Variants in ATP6V0C observed in about 807,000 individuals in gnomAD.
ATP6V0C encodes the protein V-type proton ATPase 16 kDa proteolipid subunit c.
In ATP6V0C, 2 loss-of-function variants were observed where a neutral mutation model predicts 10.6. That is an observed-to-expected ratio of 0.19 (90% CI 0.08 to 0.59). The LOEUF (loss-of-function observed/expected upper bound fraction) is 0.59, where lower values mean the gene tolerates loss of function less well. ATP6V0C is among the 20% of genes least tolerant of loss of function. ATP6V0C has a pLI of 0.90. For synonymous variants in ATP6V0C, 128 were observed against 101.3 expected, an observed-to-expected ratio of 1.26 and a Z score of -1.59; for missense variants, 89 against 225.9, an observed-to-expected ratio of 0.39 and a Z score of 3.88.
rs1233198065 is a variant in ATP6V0C, at chr16:2,514,007, C to G, written c.-97C>G. 1 of 1,179,504 alleles carries G rather than the reference C, an allele frequency of 8.5e-7. No individual in the cohort carries two copies. The highest frequency in any genetic ancestry group is 1.5e-5 in the South Asian group (1 of 68,414). 73.1% of individuals were successfully genotyped at this position (1,179,504 alleles called of 1,614,324 possible). ...GGCTGACGGGCCGGATCGCCTTCGC[C>G]GCCGCCCGCCCGCAAACCTTCGTGC... On this transcript the variant is annotated 5_prime_UTR_variant, in exon 1 of 3. Coordinates refer to ENST00000330398, the MANE Select transcript of ATP6V0C (RefSeq NM_001694.4).
intron 1 of ATP6V0C, among the ~76,000 whole-genome samples, chr16:2,518,581 G>T (rs1245062464): frequency 2.0e-5 from 3 of 152,230 alleles, no homozygotes; most frequent in African/African-American, 7.2e-5. Context: ...TCTGTCAAGG[G>T]TTCAGGCCTG....
At position 2,519,879 on chromosome 16, in the gene ATP6V0C, T is replaced by C. The variant is rs2065900795; in HGVS notation, c.*134T>C. On this transcript the variant is annotated 3_prime_UTR_variant, in exon 3 of 3. Transcript: ENST00000330398. ...GTCTTGTACATGCGCAGTGTCCTAGTGCCCATCGTCTGTTTCCCCGGCCTT... is the reference window on the plus strand; with the variant it reads ...GTCTTGTACATGCGCAGTGTCCTAGCGCCCATCGTCTGTTTCCCCGGCCTT... The C allele has an allele frequency of 9.0e-6, 11 of 1,221,484 alleles. No homozygotes were observed. The South Asian group carries it at 1.1e-4, about 13-fold the overall frequency. 75.7% of individuals were successfully genotyped at this position (1,221,484 alleles called of 1,614,324 possible). A position where few individuals can be genotyped will look rare whatever the true frequency, so the allele number is the denominator to read the frequency against.
intron 1 of ATP6V0C, 63 bp downstream of exon 1, chr16:2,514,245 C>A: frequency 1.4e-6 from 2 of 1,466,322 alleles, no homozygotes; most frequent in South Asian, 2.6e-5. Context: ...GCCCGCAGCT[C>A]GCCGGGGTCC....
Position 2,519,914 on chromosome 16 carries a change from C to T in ATP6V0C, c.*169C>T, listed in dbSNP as rs771572287. On this transcript the variant is annotated 3_prime_UTR_variant, in exon 3 of 3. Coordinates refer to ENST00000330398, the MANE Select transcript of ATP6V0C (RefSeq NM_001694.4). The stretch of plus-strand genomic sequence containing the variant: ...CTGTTTCCCCGGCCTTGCCCCCGCC[C>T]GCCCCGTGCCGTGGACATCTGGGCC... 2 of 983,454 alleles carry T rather than the reference C, an allele frequency of 2.0e-6. No individual in the cohort carries two copies. Among genetic ancestry groups the T allele is most frequent in the South Asian group, 1.4e-5 (1 of 71,886 alleles). The allele number at this position is 983,454 out of a possible 1,614,324, so 60.9% of individuals were successfully genotyped here.
rs776063145 is a variant in ATP6V0C, at chr16:2,519,640, C to T, written c.363C>T (p.Thr121=). The change falls in exon 3 of 3, where the codon ACC becomes ACT. Residue 121 remains threonine, a synonymous_variant. Transcript: ENST00000330398. ...TGGGGGACGCTGGCGTGCGGGGCAC[C>T]GCCCAGCAGCCCCGACTATTCGTGG... is the stretch of plus-strand genomic sequence containing the variant. ...GIVGDAGVRG[T]AQQPRLFVGM... The T allele has an allele frequency of 3.2e-5, 52 of 1,607,952 alleles. No individual in the cohort carries two copies. In the East Asian group the frequency reaches 4.3e-4, roughly 13 times the overall value.
At chr16:2,513,833 C>T (rs2065862287), upstream of ATP6V0C, 2 of 310,510 alleles carry the variant, frequency 6.4e-6, no homozygotes, top group East Asian at 6.6e-5. Flanking sequence ...GCGGCACAGC[C>T]CGGGGGAGGT....
At chr16:2,514,283 C>A (rs2065865676) in intron 1 of ATP6V0C, 101 bp downstream of exon 1, 7 of 1,297,846 alleles carry the variant, frequency 5.4e-6, no homozygotes, top group Non-Finnish European at 7.1e-6. Context: ...TGACGTAATC[C>A]CGAGCTGTCG....
rs777715709 is a variant in ATP6V0C, at chr16:2,519,721, C to T, written c.444C>T (p.Val148=). 5.0e-6 allele frequency: 8 copies of T among 1,607,398 alleles called. No individual in the cohort carries two copies. The Admixed American group carries it at 5.0e-5, about 10-fold the overall frequency. ...TGCTCGGCCTCTACGGTCTCATCGT[C>T]GCCCTCATCCTCTCCACAAAGTAGA... is the stretch of plus-strand genomic sequence containing the variant. ...AEVLGLYGLI[V]ALILSTK Residue 148 remains valine, a synonymous_variant, in exon 3 of 3, where the codon GTC becomes GTT. Transcript: ENST00000330398.
intron 1 of ATP6V0C, chr16:2,518,860 C>G (rs974539189): frequency 3.9e-6 from 1 of 256,076 alleles, no homozygotes; most frequent in African/African-American, 2.2e-5. Context: ...ACCCTGACCC[C>G]ACATGGGGGC....
chr16:2,518,646 C>G (rs2065889818), intron 1 of ATP6V0C, among the ~76,000 whole-genome samples: 1 of 152,070 alleles, frequency 6.6e-6, no homozygotes, highest in South Asian at 2.1e-4. Flanking sequence ...TTTGGCCCTC[C>G]TAGGTTAATA....
At position 2,518,848 on chromosome 16, in the gene ATP6V0C, T is replaced by C. The variant is rs561510502; in HGVS notation, c.80-370T>C. 5.3e-5 allele frequency among the ~76,000 whole-genome samples: 8 copies of C among 152,326 alleles called. No homozygotes were observed. In the South Asian group the frequency reaches 1.2e-3, roughly 24 times the overall value. On this transcript the variant is annotated intron_variant, in intron 1 of 2. Coordinates refer to ENST00000330398, the MANE Select transcript of ATP6V0C (RefSeq NM_001694.4). Reference sequence around the variant, plus strand: ...CTGGGCAGTAGCCCCAAGGGTCGACTGACCCTGACCCCACATGGGGGCTGC... The same window carrying C: ...CTGGGCAGTAGCCCCAAGGGTCGACCGACCCTGACCCCACATGGGGGCTGC...
At chr16:2,514,605 G>A (rs1419062966) in intron 1 of ATP6V0C, among the ~76,000 whole-genome samples, 1 of 152,182 alleles carries the variant, frequency 6.6e-6, no homozygotes. Flanking sequence ...GGCGGCGCGG[G>A]TCCGGCCCAG....
At position 2,520,149 on chromosome 16, in the gene ATP6V0C, A is replaced by G. The variant is rs2141894154; in HGVS notation, c.*404A>G. 1.9e-6 allele frequency: 1 copy of G among 539,236 alleles called. No homozygotes were observed. Among genetic ancestry groups the G allele is most frequent in the East Asian group, 3.7e-5 (1 of 27,024 alleles). 33.4% of individuals were successfully genotyped at this position (539,236 alleles called of 1,614,324 possible). ...GGTTCCTGTTGCTGAGACTTCCTGG[A>G]TGGAGCCGCCCTCACCGCCGGGCCC... On this transcript the variant is annotated 3_prime_UTR_variant, in exon 3 of 3. Coordinates refer to ENST00000330398, the MANE Select transcript of ATP6V0C (RefSeq NM_001694.4).
chr16:2,513,744 A>G (rs1315638595), upstream of ATP6V0C: 1 of 164,402 alleles, frequency 6.1e-6, no homozygotes, highest in South Asian at 2.0e-4. Context: ...GCGGAGATCC[A>G]GAGGCCGGCG....
intron 1 of ATP6V0C, among the ~76,000 whole-genome samples, chr16:2,518,580 G>A (rs2065889286): frequency 6.6e-6 from 1 of 152,228 alleles, no homozygotes; most frequent in South Asian, 2.1e-4. Context: ...ATCTGTCAAG[G>A]GTTCAGGCCT....
rs2065901102 is a variant in ATP6V0C at position 2,519,906 on chromosome 16, C to T, written c.*161C>T. The T allele has an allele frequency of 3.9e-6, 4 of 1,013,662 alleles. No homozygotes were observed. Among genetic ancestry groups the T allele is most frequent in the East Asian group, 2.6e-5 (1 of 38,568 alleles). The allele number at this position is 1,013,662 out of a possible 1,614,324, so 62.8% of individuals were successfully genotyped here. On this transcript the variant is annotated 3_prime_UTR_variant, in exon 3 of 3. Transcript: ENST00000330398. ...CCCATCGTCTGTTTCCCCGGCCTTG[C>T]CCCCGCCCGCCCCGTGCCGTGGACA...
intron 1 of ATP6V0C, among the ~76,000 whole-genome samples, chr16:2,518,381 T>C (rs959888933): frequency 2.0e-5 from 3 of 152,216 alleles, no homozygotes; most frequent in Non-Finnish European, 4.4e-5. Flanking sequence ...ACCAGCACTG[T>C]TGCGGTGGGA....
chr16:2,519,911 G>GC lies in ATP6V0C; in HGVS notation c.*169dup. ...CGTCTGTTTCCCCGGCCTTGCCCCCGCCCGCCCCGTGCCGTGGACATCTGG... is the reference window on the plus strand; with the variant it reads ...CGTCTGTTTCCCCGGCCTTGCCCCCGCCCCGCCCCGTGCCGTGGACATCTGG... On this transcript the variant is annotated 3_prime_UTR_variant, in exon 3 of 3. Transcript: ENST00000330398. 1 of 798,986 alleles carries GC rather than the reference G, an allele frequency of 1.3e-6. No homozygotes were observed. The highest frequency in any genetic ancestry group is 2.5e-5 in the South Asian group (1 of 39,274). The allele number at this position is 798,986 out of a possible 1,614,324, so 49.5% of individuals were successfully genotyped here. A position where few individuals can be genotyped will look rare whatever the true frequency, so the allele number is the denominator to read the frequency against.
chr16:2,514,249 G>C (rs1239006666), intron 1 of ATP6V0C, 67 bp downstream of exon 1: 1 of 1,456,830 alleles, frequency 6.9e-7, no homozygotes, highest in Non-Finnish European at 9.2e-7. Context: ...GCAGCTCGCC[G>C]GGGTCCGGTG....
Sources: allele counts gnomAD v4.1 joint callset (sites outside exome capture counted in the v4.1 genomes callset), GRCh38; gene constraint gnomAD v4.1.1; transcripts MANE v1.5; gene names NCBI Gene and HGNC (gene_info 2026-07-23, HGNC 2026-07-21).